Variants in STIM2 observed in about 807,000 individuals in gnomAD.
STIM2 encodes stromal interaction molecule 2.
Under a neutral mutation model 85.8 loss-of-function variants are expected in STIM2, and 31 were observed. The ratio of observed to expected loss-of-function variants is 0.36; its 90% CI spans 0.27 to 0.49. STIM2 has a LOEUF of 0.49. STIM2 is among the 20% of genes least tolerant of loss of function. The pLI, the probability that STIM2 is intolerant of heterozygous loss-of-function variation, is 0.98. For synonymous variants in STIM2, 356 were observed against 331.1 expected (o/e 1.08, Z -0.82); for missense variants, 841 against 927.6 (o/e 0.91, Z 1.21).
intron 1 of STIM2, among the ~76,000 whole-genome samples, chr4:26,906,575 A>G (rs1724133916): frequency 6.6e-6 from 1 of 152,048 alleles, no homozygotes; most frequent in Non-Finnish European, 1.5e-5. Context: ...ATATTCTAAA[A>G]AATATAAAAT....
chr4:26,876,490 T>C (rs1314901183), intron 1 of STIM2, among the ~76,000 whole-genome samples: 2 of 152,206 alleles, frequency 1.3e-5, no homozygotes, highest in Non-Finnish European at 2.9e-5. Flanking sequence ...ATCCCTTCTT[T>C]TTCCAGTTAC....
chr4:26,871,114 C>T (rs573052059), intron 1 of STIM2, among the ~76,000 whole-genome samples: 3 of 152,038 alleles, frequency 2.0e-5, no homozygotes, highest in Non-Finnish European at 4.4e-5. Flanking sequence ...TGGGCCTGTT[C>T]GCAGTGCAGC....
intron 1 of STIM2, among the ~76,000 whole-genome samples, chr4:26,905,898 AT>A (rs1175388184): frequency 1.3e-5 from 2 of 152,104 alleles, no homozygotes; most frequent in African/African-American, 2.4e-5. Context: ...CTTAAATTAT[AT>A]TGTTTTTGTA....
chr4:26,866,673 T>G (rs577267833), intron 1 of STIM2, among the ~76,000 whole-genome samples: 1 of 152,330 alleles, frequency 6.6e-6, no homozygotes, highest in South Asian at 2.1e-4. Flanking sequence ...AGTCCCCTAG[T>G]GTATTCAGTA....
Position 26,861,331 on chromosome 4 carries a change from C to T in STIM2, c.113C>T (p.Pro38Leu), listed in dbSNP as rs1388759897. The T allele has an allele frequency of 3.6e-6, 5 of 1,383,824 alleles. No homozygotes were observed. The highest frequency in any genetic ancestry group is 3.7e-6 in the Non-Finnish European group (4 of 1,074,040). The allele number at this position is 1,383,824 out of a possible 1,614,324, so 85.7% of individuals were successfully genotyped here. A position where few individuals can be genotyped will look rare whatever the true frequency, so the allele number is the denominator to read the frequency against. The change falls in exon 1 of 12, where the codon CCC (proline) becomes CTC (leucine). Residue 38 changes from proline to leucine, a missense_variant. Transcript: ENST00000467087. ...TCTGCCGCAACTGCCGCCTCCTCTC[C>T]CGCCGCGGCGGCCGGCGATAGCCCG...
At chr4:26,941,855 G>A (rs1043455970) in intron 2 of STIM2, among the ~76,000 whole-genome samples, 4 of 152,020 alleles carry the variant, frequency 2.6e-5, no homozygotes, top group Admixed American at 1.3e-4. Context: ...GAGATTTTAG[G>A]TGTATAGTTT....
intron 1 of STIM2, among the ~76,000 whole-genome samples, chr4:26,889,512 A>G (rs1469564363): frequency 1.3e-5 from 2 of 152,224 alleles, no homozygotes; most frequent in Non-Finnish European, 2.9e-5. Flanking sequence ...TATCTAGAGT[A>G]TCTGTTGTAA....
chr4:26,971,122 CT>C (rs1159360439), intron 3 of STIM2, among the ~76,000 whole-genome samples: 2 of 151,992 alleles, frequency 1.3e-5, no homozygotes, highest in Non-Finnish European at 2.9e-5. Context: ...TGTTTGAGTT[CT>C]TTGTAGATTC....
At chr4:26,963,808 A>G (rs1726576957) in intron 3 of STIM2, among the ~76,000 whole-genome samples, 1 of 152,218 alleles carries the variant, frequency 6.6e-6, no homozygotes, top group South Asian at 2.1e-4. Context: ...GCACATTAAA[A>G]TGAGTCCAGA....
intron 1 of STIM2, among the ~76,000 whole-genome samples, chr4:26,877,158 T>C (rs954070727): frequency 1.3e-5 from 2 of 152,178 alleles, no homozygotes; most frequent in African/African-American, 4.8e-5. Flanking sequence ...TTGATAATGG[T>C]GTTCCTTTAT....
chr4:26,922,278 C>T (rs933510046), intron 2 of STIM2, among the ~76,000 whole-genome samples: 2 of 151,864 alleles, frequency 1.3e-5, no homozygotes, highest in Non-Finnish European at 2.9e-5. Flanking sequence ...AATTTATTCT[C>T]TAAACCAAAG....
At chr4:27,016,414 G>A (rs1297190623) in intron 10 of STIM2, among the ~76,000 whole-genome samples, 1 of 152,172 alleles carries the variant, frequency 6.6e-6, no homozygotes, top group Non-Finnish European at 1.5e-5. Context: ...TGTGTGAGTG[G>A]TAAAGTGCCC....
chr4:27,022,647 C>T lies in STIM2; in HGVS notation c.1892C>T (p.Ser631Phe). Residue 631 changes from serine (S) to phenylalanine (F), a missense_variant, in exon 12 of 12, where the codon TCC (serine) becomes TTC (phenylalanine). Ser to Phe is a radical substitution (Grantham distance 155, BLOSUM62 -2). This residue lies in a region of STIM2 where 293 missense variants were observed against 284.5 expected (regional missense o/e 1.03). Coordinates refer to ENST00000467087, the MANE Select transcript of STIM2 (RefSeq NM_020860.4). The stretch of plus-strand genomic sequence containing the variant: ...CGAAAGATATCAAGAGATGAGGTGT[C>T]CCTAGAGGATTCCTCCCGAGGGGAT... 2 of 1,614,194 alleles carry T rather than the reference C, an allele frequency of 1.2e-6. No homozygotes were observed. Among genetic ancestry groups the T allele is most frequent in the Non-Finnish European group, 1.7e-6 (2 of 1,180,020 alleles).
chr4:26,944,973 G>A (rs1042050209), intron 2 of STIM2, among the ~76,000 whole-genome samples: 25 of 152,134 alleles, frequency 1.6e-4, no homozygotes, highest in African/African-American at 6.0e-4. Context: ...TACATGTGCA[G>A]GATGTGCAGA....
chr4:26,962,728 A>G (rs887794), intron 3 of STIM2, among the ~76,000 whole-genome samples: 148,379 of 152,238 alleles, frequency 0.97, 72,349 homozygotes, highest in East Asian at 1. Flanking sequence ...AACTGGATAC[A>G]TTGTGAGAAT....
intron 1 of STIM2, among the ~76,000 whole-genome samples, chr4:26,884,072 T>C (rs1723121312): frequency 6.6e-6 from 1 of 152,190 alleles, no homozygotes; most frequent in Non-Finnish European, 1.5e-5. Context: ...GAGTTCCTTA[T>C]ATTTCTCTGG....
intron 2 of STIM2, among the ~76,000 whole-genome samples, chr4:26,936,997 A>G (rs1034308039): frequency 5.3e-5 from 8 of 151,988 alleles, no homozygotes; most frequent in Admixed American, 3.9e-4. Flanking sequence ...GCGTGTTGCC[A>G]GGCTGGTCTG....
At chr4:26,912,512 T>A (rs987297664) in intron 1 of STIM2, among the ~76,000 whole-genome samples, 1 of 152,248 alleles carries the variant, frequency 6.6e-6, no homozygotes. Flanking sequence ...ATGCCATATT[T>A]ATTCCTCTAG....
chr4:26,883,396 CAT>C (rs1394499411), intron 1 of STIM2, among the ~76,000 whole-genome samples: 1 of 152,016 alleles, frequency 6.6e-6, no homozygotes, highest in Admixed American at 6.6e-5. Context: ...AAATTGGAAA[CAT>C]ATGTATGCAC....
Sources: allele counts gnomAD v4.1 joint callset (sites outside exome capture counted in the v4.1 genomes callset), GRCh38; gene constraint gnomAD v4.1.1; regional missense constraint gnomAD v4.1.1; transcripts MANE v1.5; gene names NCBI Gene and HGNC (gene_info 2026-07-23, HGNC 2026-07-21).